The following PRKN variants were observed in gnomAD, a reference collection of about 807,000 sequenced individuals.
PRKN encodes parkin RBR E3 ubiquitin protein ligase, also known as E3 ubiquitin-protein ligase parkin.
Under a neutral mutation model 59.5 loss-of-function variants are expected in PRKN, and 56 were observed. The observed-to-expected ratio is 0.94, with a 90% CI of 0.76 to 1.18. The LOEUF (loss-of-function observed/expected upper bound fraction) is 1.18, where lower values mean the gene tolerates loss of function less well. PRKN is among the 50% of genes most tolerant of loss of function. The probability of loss-of-function intolerance (pLI) is 0.00; values close to 1 mark genes in which losing one functional copy is unlikely to be tolerated. For missense variants in PRKN, 657 were observed against 596.4 expected (o/e 1.10, Z -1.06); for synonymous variants, 250 against 222.1 (o/e 1.13, Z -1.12).
chr6:162,121,680 A>G (rs1780921029), intron 4 of PRKN, among the ~76,000 whole-genome samples: 1 of 152,192 alleles, frequency 6.6e-6, no homozygotes. Context: ...GTCCTGATAC[A>G]GACTAAACAC....
intron 7 of PRKN, among the ~76,000 whole-genome samples, chr6:161,650,349 T>C (rs1784107004): frequency 6.6e-6 from 1 of 152,200 alleles, no homozygotes; most frequent in South Asian, 2.1e-4. Context: ...TCCAGACATT[T>C]ATAATTTAAG....
In PRKN at chr6:161,552,514, C is replaced by T. The variant is rs573123069; in HGVS notation, c.934-3511G>A. 2.0e-4 allele frequency among the ~76,000 whole-genome samples: 31 copies of T among 152,052 alleles called. 1 individual carries two copies. Among genetic ancestry groups the T allele is most frequent in the Admixed American group, 1.9e-3 (29 of 15,278 alleles). ...TCCTCCAAGCCCCTCTCCCTCAGCT[C>T]TGCATCACCGAACTGCTCAACCTAC... On this transcript the variant is annotated intron_variant, in intron 8 of 11. Coordinates refer to ENST00000366898, the MANE Select transcript of PRKN (RefSeq NM_004562.3). The surrounding 1 kb of genome is among the most constrained non-coding windows in gnomAD (Gnocchi z 4.9).
chr6:161,644,335 T>C (rs10945761), intron 7 of PRKN, among the ~76,000 whole-genome samples: 33,466 of 152,238 alleles, frequency 0.22, 4,117 homozygotes, highest in Middle Eastern at 0.35. Context: ...AGGAAATGCA[T>C]GTCAGTTTTG....
chr6:161,513,844 A>AATT (rs969802322), intron 9 of PRKN, among the ~76,000 whole-genome samples: 2 of 152,142 alleles, frequency 1.3e-5, no homozygotes, highest in South Asian at 4.2e-4. Flanking sequence ...ATCTTGGGGA[A>AATT]ATTATTTAAC....
intron 8 of PRKN, among the ~76,000 whole-genome samples, chr6:161,556,311 C>G (rs1212275236): frequency 6.6e-6 from 1 of 152,108 alleles, no homozygotes; most frequent in Non-Finnish European, 1.5e-5. Context: ...AAAGTACACA[C>G]AATACCTGAA....
At chr6:162,432,853 G>C (rs1789602969) in intron 2 of PRKN, among the ~76,000 whole-genome samples, 2 of 152,112 alleles carry the variant, frequency 1.3e-5, no homozygotes, top group Non-Finnish European at 1.5e-5. Context: ...ATTTTGAATG[G>C]TAAGTACTCC....
chr6:161,980,008 G>T (rs1022309745), intron 5 of PRKN, among the ~76,000 whole-genome samples: 1 of 152,118 alleles, frequency 6.6e-6, no homozygotes, highest in Non-Finnish European at 1.5e-5. Flanking sequence ...AAGCGAATTA[G>T]CCAAACCCAA....
At chr6:161,811,533 C>G (rs1229056482) in intron 6 of PRKN, among the ~76,000 whole-genome samples, 2 of 152,126 alleles carry the variant, frequency 1.3e-5, no homozygotes, top group East Asian at 3.9e-4. Flanking sequence ...TGCACGATAG[C>G]AACAGTAACA....
At chr6:161,508,025 G>C (rs1484378651) in intron 9 of PRKN, among the ~76,000 whole-genome samples, 1 of 152,116 alleles carries the variant, frequency 6.6e-6, no homozygotes, top group Non-Finnish European at 1.5e-5. Context: ...CTGATAAAAC[G>C]TATCCAGGGA....
intron 5 of PRKN, among the ~76,000 whole-genome samples, chr6:162,005,817 C>T (rs981812817): frequency 7.9e-5 from 12 of 152,066 alleles, no homozygotes; most frequent in Admixed American, 5.9e-4. Context: ...TGCTAGATGT[C>T]AGGGTTGGAA....
At chr6:162,038,666 C>T (rs1783940097) in intron 5 of PRKN, among the ~76,000 whole-genome samples, 1 of 152,128 alleles carries the variant, frequency 6.6e-6, no homozygotes, top group Admixed American at 6.5e-5. Flanking sequence ...GAAAAATAAA[C>T]CATCAGATAA....
chr6:161,468,497 C>T lies in PRKN; in HGVS notation c.1083+80357G>A, dbSNP rs1249548294. 6.6e-6 allele frequency among the ~76,000 whole-genome samples: 1 copy of T among 152,164 alleles called. No individual in the cohort carries two copies. Among genetic ancestry groups the T allele is most frequent in the African/African-American group, 2.4e-5 (1 of 41,428 alleles). On this transcript the variant is annotated intron_variant, in intron 9 of 11. Coordinates refer to ENST00000366898, the MANE Select transcript of PRKN (RefSeq NM_004562.3). The surrounding 1 kb of genome is among the most constrained non-coding windows in gnomAD (Gnocchi z 5.9). Reference sequence around the variant, plus strand: ...CCTGACTCCATTTTTGCCTCACTCCCCATTTATTGACATGTGCTTATTAAC... The same window carrying T: ...CCTGACTCCATTTTTGCCTCACTCCTCATTTATTGACATGTGCTTATTAAC...
rs376894532 is a variant in PRKN, at chr6:161,832,394, G to T, written c.735-46486C>A. On this transcript the variant is annotated intron_variant, in intron 6 of 11. Transcript: ENST00000366898. ...TAATCTCAGCACTTTGGGAGTCCGA[G>T]GTGGGCAGATTCTGAGGTCAGGAGA... Among the ~76,000 whole-genome samples the T allele has an allele frequency of 3.4e-4, 52 of 152,108 alleles. 2 individuals are homozygous for T. The South Asian group carries it at 0.011, about 31-fold the overall frequency.
chr6:162,497,317 A>G lies in PRKN; in HGVS notation c.8-53844T>C, dbSNP rs1384486466. Among the ~76,000 whole-genome samples, 3 of 152,214 alleles carry G rather than the reference A, an allele frequency of 2.0e-5. No homozygotes were observed. The East Asian group carries it at 5.8e-4, about 29-fold the overall frequency. The stretch of plus-strand genomic sequence containing the variant: ...GAGAAAGAAATTATTTTAAGTAACT[A>G]AACTTAACAAAACACCTAACTACGC... On this transcript the variant is annotated intron_variant, in intron 1 of 11. Transcript: ENST00000366898.
At chr6:162,563,323 A>AC (rs1779931464) in intron 1 of PRKN, among the ~76,000 whole-genome samples, 2 of 33,834 alleles carry the variant, frequency 5.9e-5, no homozygotes, top group African/African-American at 2.7e-4. Flanking sequence ...AAAACAAAAA[A>AC]AAAAAAACAA....
At chr6:161,572,938 G>A (rs987890390) in intron 7 of PRKN, among the ~76,000 whole-genome samples, 2 of 152,194 alleles carry the variant, frequency 1.3e-5, no homozygotes, top group Non-Finnish European at 2.9e-5. Flanking sequence ...ACTGGCTTCA[G>A]TTCAAACAAA....
chr6:162,406,822 T>C (rs142706445), intron 2 of PRKN, among the ~76,000 whole-genome samples: 368 of 152,222 alleles, frequency 2.4e-3, no homozygotes, highest in African/African-American at 8.5e-3. Context: ...GGGAAGCTTT[T>C]CAGAATACAG....
intron 7 of PRKN, among the ~76,000 whole-genome samples, chr6:161,623,637 C>G (rs987451837): frequency 3.3e-5 from 5 of 152,132 alleles, no homozygotes; most frequent in Admixed American, 2.6e-4. Flanking sequence ...GCTTTTTAAT[C>G]TGAAAGTCAT....
intron 1 of PRKN, among the ~76,000 whole-genome samples, chr6:162,686,444 G>C (rs1047657975): frequency 2.0e-5 from 3 of 152,162 alleles, no homozygotes; most frequent in Non-Finnish European, 1.5e-5. Flanking sequence ...TTCTTTTGTG[G>C]GGTGGGGGTT....
Sources: allele counts gnomAD v4.1 joint callset (sites outside exome capture counted in the v4.1 genomes callset), GRCh38; gene constraint gnomAD v4.1.1; non-coding constraint Gnocchi (gnomAD v3.1); transcripts MANE v1.5; gene names NCBI Gene and HGNC (gene_info 2026-07-23, HGNC 2026-07-21).